The following ITGA8 variants were observed in gnomAD, a reference collection of about 807,000 sequenced individuals.
ITGA8 encodes the protein integrin alpha-8.
In ITGA8, 91 loss-of-function variants were observed where a neutral mutation model predicts 142.3. The ratio of observed to expected loss-of-function variants is 0.64; its 90% CI spans 0.54 to 0.76. The LOEUF is 0.76. ITGA8 is among the 30% of genes least tolerant of loss of function. The pLI, the probability that ITGA8 is intolerant of heterozygous loss-of-function variation, is 0.00. For missense variants in ITGA8, 1,406 were observed against 1,327.7 expected (o/e 1.06, Z -0.92); for synonymous variants, 505 against 485.2 (o/e 1.04, Z -0.54).
intron 20 of ITGA8, 134 bp downstream of exon 20, chr10:15,604,074 A>G (rs1833150181): frequency 1.3e-6 from 1 of 781,218 alleles, no homozygotes; most frequent in Non-Finnish European, 2.1e-6. Context: ...TGCTGTTATG[A>G]TTTAACAAAA....
At position 15,639,223 on chromosome 10, in the gene ITGA8, G is replaced by C. The variant is rs1310945388; in HGVS notation, c.1399+4807C>G. 2.6e-5 allele frequency among the ~76,000 whole-genome samples: 4 copies of C among 152,204 alleles called. No homozygotes were observed. The East Asian group carries it at 7.7e-4, about 29-fold the overall frequency. On this transcript the variant is annotated intron_variant, in intron 13 of 29. Coordinates refer to ENST00000378076, the MANE Select transcript of ITGA8 (RefSeq NM_003638.3). ...AACCACACAGAGGCAATGTTGGAGA[G>C]AACAGCGGCTGGTGGGTTTGACACC... is the stretch of plus-strand genomic sequence containing the variant.
intron 27 of ITGA8, among the ~76,000 whole-genome samples, chr10:15,531,480 T>A (rs544463720): frequency 3.3e-4 from 41 of 124,854 alleles, no homozygotes; most frequent in Middle Eastern, 4.2e-3. Context: ...AGACTGTGTA[T>A]AATAAGGTTA....
At chr10:15,668,774 T>C (rs1391387219) in intron 8 of ITGA8, among the ~76,000 whole-genome samples, 1 of 152,192 alleles carries the variant, frequency 6.6e-6, no homozygotes, top group Non-Finnish European at 1.5e-5. Context: ...CTCCTTCACT[T>C]CTGAAGCTTA....
chr10:15,559,177 A>G (rs1335917850), intron 25 of ITGA8, among the ~76,000 whole-genome samples: 2 of 152,108 alleles, frequency 1.3e-5, no homozygotes, highest in Non-Finnish European at 1.5e-5. Context: ...CGGAGTCCAG[A>G]CTCCCTAGCA....
At chr10:15,572,513 T>C (rs1809404529) in intron 24 of ITGA8, 144 bp from the exon 25 acceptor site, 2 of 708,494 alleles carry the variant, frequency 2.8e-6, no homozygotes, top group Non-Finnish European at 4.4e-6. Context: ...ATAAGAAAAT[T>C]CAAAGTCGAT....
intron 22 of ITGA8, among the ~76,000 whole-genome samples, chr10:15,589,854 C>G (rs1303864638): frequency 4.0e-5 from 6 of 151,036 alleles, no homozygotes; most frequent in African/African-American, 1.5e-4. Flanking sequence ...CCTCTGCCTG[C>G]CAGGTTCAAG....
intron 8 of ITGA8, among the ~76,000 whole-genome samples, chr10:15,663,990 A>G (rs1413852717): frequency 2.6e-5 from 4 of 152,188 alleles, no homozygotes; most frequent in African/African-American, 9.6e-5. Context: ...TAGTTACTCA[A>G]TACTATCTTT....
At chr10:15,706,138 G>A (rs1203556466) in intron 2 of ITGA8, among the ~76,000 whole-genome samples, 1 of 152,064 alleles carries the variant, frequency 6.6e-6, no homozygotes, top group Non-Finnish European at 1.5e-5. Context: ...CACATATCTG[G>A]ACTCAACCCT....
At chr10:15,520,429 A>C (rs1464376283) in intron 28 of ITGA8, among the ~76,000 whole-genome samples, 1 of 152,138 alleles carries the variant, frequency 6.6e-6, no homozygotes, top group Non-Finnish European at 1.5e-5. Flanking sequence ...CCCGCCAAAA[A>C]ACAAAAACAC....
At chr10:15,582,074 A>G (rs1834418448) in intron 23 of ITGA8, among the ~76,000 whole-genome samples, 1 of 152,146 alleles carries the variant, frequency 6.6e-6, no homozygotes, top group African/African-American at 2.4e-5. Flanking sequence ...CCTCATCTCC[A>G]CAAAACGTTT....
chr10:15,581,973 T>C (rs1819395628), intron 23 of ITGA8, among the ~76,000 whole-genome samples: 2 of 152,174 alleles, frequency 1.3e-5, no homozygotes, highest in South Asian at 4.1e-4. Flanking sequence ...GTACGGTGGC[T>C]CATGCCTGTA....
chr10:15,640,527 A>C (rs1833852290), intron 13 of ITGA8, among the ~76,000 whole-genome samples: 1 of 152,204 alleles, frequency 6.6e-6, no homozygotes, highest in African/African-American at 2.4e-5. Flanking sequence ...GGAGGCCTAG[A>C]ACGTAGCATT....
chr10:15,570,500 C>T (rs1359310243), intron 25 of ITGA8, among the ~76,000 whole-genome samples: 3 of 149,752 alleles, frequency 2.0e-5, no homozygotes, highest in African/African-American at 4.9e-5. Flanking sequence ...ATCCCAGCTA[C>T]TTGGGAGGCT....
At chr10:15,560,897 G>C (rs1039596695) in intron 25 of ITGA8, among the ~76,000 whole-genome samples, 31 of 151,874 alleles carry the variant, frequency 2.0e-4, no homozygotes, top group Non-Finnish European at 4.4e-4. Context: ...TTTTAAAAGG[G>C]TCTCCTTATT....
At chr10:15,716,955 C>T (rs917366685) in intron 2 of ITGA8, among the ~76,000 whole-genome samples, 1 of 152,168 alleles carries the variant, frequency 6.6e-6, no homozygotes, top group African/African-American at 2.4e-5. Context: ...AGCCACCACG[C>T]CTGGCCTACC....
At chr10:15,526,655 C>G (rs1163626817) in intron 28 of ITGA8, among the ~76,000 whole-genome samples, 4 of 152,060 alleles carry the variant, frequency 2.6e-5, no homozygotes, top group African/African-American at 9.7e-5. Context: ...CAATCTTGTG[C>G]CAGCTAGTCA....
At chr10:15,663,138 A>T (rs74816002) in intron 8 of ITGA8, among the ~76,000 whole-genome samples, 3 of 142,460 alleles carry the variant, frequency 2.1e-5, no homozygotes, top group African/African-American at 5.1e-5. Context: ...ACTGTTTTTT[A>T]AAATAGAATT....
At chr10:15,621,305 T>C (rs1433867457) in intron 13 of ITGA8, among the ~76,000 whole-genome samples, 3 of 152,166 alleles carry the variant, frequency 2.0e-5, no homozygotes, top group African/African-American at 7.2e-5. Flanking sequence ...ATTTTCTTTT[T>C]GGCTTTTGAT....
At chr10:15,556,504 C>T (rs1300946190) in intron 26 of ITGA8, among the ~76,000 whole-genome samples, 2 of 152,158 alleles carry the variant, frequency 1.3e-5, no homozygotes, top group East Asian at 3.8e-4. Flanking sequence ...TGTTCCCAGC[C>T]TGTCCCTGCC....
Sources: gnomAD v4.1 joint callset for allele counts (sites outside exome capture counted in the v4.1 genomes callset) on GRCh38, gnomAD v4.1.1 for gene constraint, MANE v1.5 for transcripts, NCBI Gene and HGNC (gene_info 2026-07-23, HGNC 2026-07-21) for gene names.